Variants in KRT10 observed in about 807,000 individuals in gnomAD.
KRT10 encodes the protein keratin 10, also known as keratin, type I cytoskeletal 10.
In KRT10, 40 loss-of-function variants were observed where a neutral mutation model predicts 59.2. The ratio of observed to expected loss-of-function variants is 0.68; its 90% CI spans 0.52 to 0.88. The LOEUF is 0.88. Among genes scored for constraint, KRT10 ranks in the 40% least tolerant of loss-of-function variants. KRT10 has a pLI of 0.00. For missense variants in KRT10, 719 were observed against 749.1 expected (o/e 0.96, Z 0.47); for synonymous variants, 336 against 310.7 (o/e 1.08, Z -0.86).
chr17:40,818,880 C>T lies in KRT10; in HGVS notation c.1655G>A (p.Ser552Asn). The T allele has an allele frequency of 6.6e-7, 1 of 1,524,800 alleles. No individual in the cohort carries two copies. The highest frequency in any genetic ancestry group is 8.8e-7 in the Non-Finnish European group (1 of 1,139,778). The allele number at this position is 1,524,800 out of a possible 1,614,324, so 94.5% of individuals were successfully genotyped here. A position where few individuals can be genotyped will look rare whatever the true frequency, so the allele number is the denominator to read the frequency against. ...GCCGCCGCCGTATCCGCCGCCGGAG[C>T]TGCTGCCGCCGCCGGAGCTGCCGCC... ...YGGGSSGGGS[S>N]SGGGYGGGSS... The change falls in exon 7 of 8, where the codon AGC becomes AAC. Residue 552 changes from serine (S) to asparagine (N), a missense_variant. Coordinates refer to ENST00000269576, the MANE Select transcript of KRT10 (RefSeq NM_000421.5).
intron 3 of KRT10, 23 bp downstream of exon 3, chr17:40,820,488 G>A: frequency 6.2e-7 from 1 of 1,614,182 alleles, no homozygotes; most frequent in Non-Finnish European, 8.5e-7. Flanking sequence ...TTTTGGCTGG[G>A]AAAAGTATAA....
intron 5 of KRT10, 28 bp from the exon 6 acceptor site, chr17:40,819,762 G>A (rs769997393): frequency 6.4e-7 from 1 of 1,574,634 alleles, no homozygotes; most frequent in South Asian, 1.1e-5. Context: ...GTGGCTTAGT[G>A]ACTTCCTTGT....
chr17:40,822,290 C>A lies in KRT10; in HGVS notation c.296G>T (p.Gly99Val). The A allele has an allele frequency of 1.3e-6, 2 of 1,598,974 alleles. No individual in the cohort carries two copies. The highest frequency in any genetic ancestry group is 1.7e-6 in the Non-Finnish European group (2 of 1,170,722). Residue 99 changes from glycine (G) to valine (V), a missense_variant, in exon 1 of 8, where the codon GGA becomes GTA. Around this residue, in one of 4 missense-constraint regions of KRT10, gnomAD observed 176 missense variants for 175.7 expected, o/e 1.00. Transcript: ENST00000269576. The part of the protein sequence containing the change: ...YGSSSFGGSY[G>V]GIFGGGSFGG... ...GAAACTGCCCCCTCCAAAGATGCCT[C>A]CATAACTCCCACCAAAGCTGCTACT... is the stretch of plus-strand genomic sequence containing the variant.
intron 6 of KRT10, 57 bp downstream of exon 6, chr17:40,819,460 T>A: frequency 6.7e-7 from 1 of 1,497,258 alleles, no homozygotes; most frequent in Non-Finnish European, 9.3e-7. Context: ...AGATAAGCCT[T>A]GCTATCTGGA....
At chr17:40,819,329 C>T in intron 6 of KRT10, 168 bp from the exon 7 acceptor site, 2 of 1,438,040 alleles carry the variant, frequency 1.4e-6, no homozygotes, top group Non-Finnish European at 1.9e-6. Context: ...GTTCACAGAA[C>T]TCTTAAGAAT....
Position 40,820,079 on chromosome 17 carries a change from C to T in KRT10, c.1125G>A (p.Leu375=), listed in dbSNP as rs1396575084. Residue 375 remains leucine, a synonymous_variant, in exon 5 of 8, where the codon CTG becomes CTA. Coordinates refer to ENST00000269576, the MANE Select transcript of KRT10 (RefSeq NM_000421.5). The part of the protein sequence containing the change: ...ITELRRNVQA[L]EIELQSQLAL... Reference sequence around the variant, plus strand: ...CCAGTTGGGACTGTAGTTCTATCTCCAGAGCTTGTACATTACGTCTCAATT... The same window carrying T: ...CCAGTTGGGACTGTAGTTCTATCTCTAGAGCTTGTACATTACGTCTCAATT... 2 of 1,613,160 alleles carry T rather than the reference C, an allele frequency of 1.2e-6. No individual in the cohort carries two copies. The highest frequency in any genetic ancestry group is 1.7e-5 in the Admixed American group (1 of 59,998).
chr17:40,818,562 G>A lies in KRT10; in HGVS notation c.1749-80C>T, dbSNP rs543603727. 12 of 1,279,394 alleles carry A rather than the reference G, an allele frequency of 9.4e-6. No individual in the cohort carries two copies. The East Asian group carries it at 2.3e-4, about 25-fold the overall frequency. The allele number at this position is 1,279,394 out of a possible 1,614,324, so 79.3% of individuals were successfully genotyped here. A position where few individuals can be genotyped will look rare whatever the true frequency, so the allele number is the denominator to read the frequency against. The stretch of plus-strand genomic sequence containing the variant: ...TAACAAGCAAATATTGTAAAAAGAA[G>A]GAAATTTCAACTTTACATTGTTAAG... On this transcript the variant is annotated intron_variant, in intron 7 of 7. Coordinates refer to ENST00000269576, the MANE Select transcript of KRT10 (RefSeq NM_000421.5).
In KRT10 at chr17:40,822,005, C is replaced by T. The variant is rs373319671; in HGVS notation, c.581G>A (p.Arg194His). Residue 194 changes from arginine to histidine, a missense_variant, in exon 1 of 8, where the codon CGT (arginine) becomes CAT (histidine). By Grantham distance (29) the Arg-to-His change is conservative. This residue lies in a region of KRT10 where 221 missense variants were observed against 277.8 expected (regional missense o/e 0.80). Transcript: ENST00000269576. The stretch of plus-strand genomic sequence containing the variant: ...GGTTTTGTAGTATTTGCTGTAGTCA[C>T]GAGGCTCCCCCTGATGTGAGTTGCC... Reference protein sequence around the residue: ...KHGNSHQGEPRDYSKYYKTID... With the variant: ...KHGNSHQGEPHDYSKYYKTID... 181 of 1,614,040 alleles carry T rather than the reference C, an allele frequency of 1.1e-4. No homozygotes were observed. The highest frequency in any genetic ancestry group is 1.5e-4 in the Non-Finnish European group (174 of 1,180,020).
At position 40,820,513 on chromosome 17, in the gene KRT10, C is replaced by T; in HGVS notation, c.865G>A (p.Glu289Lys). Residue 289 changes from glutamate (E) to lysine (K), a missense_variant and splice_region_variant, in exon 3 of 8, where the codon GAG becomes AAG. By Grantham distance (56) the Glu-to-Lys change is moderately conservative. Transcript: ENST00000269576. The stretch of plus-strand genomic sequence containing the variant: ...GAAAAGTATAACTTTTGTGTCACCT[C>T]CTCGTGGTTCTTCTTCAGATAGGCC... The part of the protein sequence containing the change: ...ELAYLKKNHE[E>K]EMKDLRNVST... 1 of 1,614,196 alleles carries T rather than the reference C, an allele frequency of 6.2e-7. No homozygotes were observed. Among genetic ancestry groups the T allele is most frequent in the Non-Finnish European group, 8.5e-7 (1 of 1,180,036 alleles).
At position 40,820,256 on chromosome 17, in the gene KRT10, C is replaced by G; in HGVS notation, c.1029+6G>C. On this transcript the variant is annotated splice_donor_region_variant and intron_variant, in intron 4 of 7. Coordinates refer to ENST00000269576, the MANE Select transcript of KRT10 (RefSeq NM_000421.5). ...ATGAGTTTCACTATAAGGAAGATTA[C>G]TTTACCTTTTCATTGAACCAGGCTT... The G allele has an allele frequency of 1.2e-6, 2 of 1,614,094 alleles. No homozygotes were observed. The highest frequency in any genetic ancestry group is 1.7e-6 in the Non-Finnish European group (2 of 1,180,004).
intron 6 of KRT10, 59 bp downstream of exon 6, chr17:40,819,458 C>A (rs975593240): frequency 1.1e-5 from 16 of 1,493,530 alleles, no homozygotes; most frequent in Non-Finnish European, 1.4e-5. Context: ...TTAGATAAGC[C>A]TTGCTATCTG....
chr17:40,819,435 ATCT>A, intron 6 of KRT10, 79 bp downstream of exon 6: 4 of 1,393,690 alleles, frequency 2.9e-6, no homozygotes, highest in Admixed American at 1.7e-5. Flanking sequence ...ATTCTCTGGC[ATCT>A]TCTTGGGGTT....
In KRT10 at chr17:40,821,608, T is replaced by C. The variant is rs148693758; in HGVS notation, c.627+351A>G. Among the ~76,000 whole-genome samples, 95 of 152,358 alleles carry C rather than the reference T, an allele frequency of 6.2e-4. No individual in the cohort carries two copies. In the Middle Eastern group the frequency reaches 0.01, roughly 16 times the overall value. On this transcript the variant is annotated intron_variant, in intron 1 of 7. Transcript: ENST00000269576. ...TGTTGGTACTGAATATGGCTTGTTATCAGTCTGAATAACATTTTGTTCTGA... is the reference window on the plus strand; with the variant it reads ...TGTTGGTACTGAATATGGCTTGTTACCAGTCTGAATAACATTTTGTTCTGA...
In KRT10 at chr17:40,818,837, G is replaced by C. The variant is rs758631225; in HGVS notation, c.1698C>G (p.His566Gln). 8.3e-7 allele frequency: 1 copy of C among 1,204,146 alleles called. No individual in the cohort carries two copies. Among genetic ancestry groups the C allele is most frequent in the Non-Finnish European group, 1.1e-6 (1 of 895,250 alleles). 74.6% of individuals were successfully genotyped at this position (1,204,146 alleles called of 1,614,324 possible). The change falls in exon 7 of 8, where the codon CAC becomes CAG. Residue 566 changes from histidine (H) to glutamine (Q), a missense_variant. Transcript: ENST00000269576. ...CCACGGACCCGGAAGAGGAGGACTT[G>C]TGGCCTCCGCTGGAGCTGCCGCCGC... is the stretch of plus-strand genomic sequence containing the variant. ...GYGGGSSSGG[H>Q]KSSSSGSVGE...
At chr17:40,820,814 T>C (rs978329108) in intron 2 of KRT10, 147 bp from the exon 3 acceptor site, 11 of 1,040,194 alleles carry the variant, frequency 1.1e-5, no homozygotes, top group Non-Finnish European at 1.6e-5. Flanking sequence ...AATAGTGGTT[T>C]AATGGAAAAA....
At position 40,818,914 on chromosome 17, in the gene KRT10, C is replaced by CGCCGCCGGAGCT. The variant is rs1905188023; in HGVS notation, c.1620_1621insAGCTCCGGCGGC (p.Gly540_Gly541insSerSerGlyGly). On this transcript the variant is annotated inframe_insertion, in exon 7 of 8. Transcript: ENST00000269576. ...CCGCCGGAGCTGCCGCCCCCGTAGC[C>CGCCGCCGGAGCT]GCCGCCGCCGCCGCCGGAACTGCCA... 9.5e-7 allele frequency: 1 copy of CGCCGCCGGAGCT among 1,048,004 alleles called. No homozygotes were observed. The highest frequency in any genetic ancestry group is 3.1e-5 in the African/African-American group (1 of 32,528). The allele number at this position is 1,048,004 out of a possible 1,614,324, so 64.9% of individuals were successfully genotyped here. A position where few individuals can be genotyped will look rare whatever the true frequency, so the allele number is the denominator to read the frequency against.
chr17:40,820,329 ATG>A lies in KRT10; in HGVS notation c.960_961del (p.Met321GlufsTer5). The A allele has an allele frequency of 2.5e-6, 4 of 1,614,122 alleles. No homozygotes were observed. The highest frequency in any genetic ancestry group is 3.4e-6 in the Non-Finnish European group (4 of 1,180,000). On this transcript the variant is annotated frameshift_variant, in exon 4 of 8. Coordinates refer to ENST00000269576, the MANE Select transcript of KRT10 (RefSeq NM_000421.5). LOFTEE classifies it high-confidence loss of function. ...AGCAAGTTGTTCATATTGGCTTCTC[ATG>A]TTATTCAGAAGTTGAGTCAGATCAA...
rs1286402647 is a variant in KRT10, at chr17:40,822,217, A to T, written c.369T>A (p.Gly123=). 12 of 1,611,026 alleles carry T rather than the reference A, an allele frequency of 7.4e-6. No homozygotes were observed. In the East Asian group the frequency reaches 2.7e-4, roughly 36 times the overall value. The change falls in exon 1 of 8, where the codon GGT becomes GGA. Residue 123 remains glycine, a synonymous_variant. Transcript: ENST00000269576. ...CAAAGCCTCCTCCAAAGCCGCCTCCACCAAAGCCGCCTCCACCAAAGCTGC... is the reference window on the plus strand; with the variant it reads ...CAAAGCCTCCTCCAAAGCCGCCTCCTCCAAAGCCGCCTCCACCAAAGCTGC... ...GGGSFGGGGF[G]GGGFGGGFGG...
chr17:40,820,662 T>C lies in KRT10; in HGVS notation c.716A>G (p.Glu239Gly), dbSNP rs751780283. The C allele has an allele frequency of 1.9e-6, 3 of 1,614,158 alleles. No homozygotes were observed. Among genetic ancestry groups the C allele is most frequent in the Non-Finnish European group, 2.5e-6 (3 of 1,180,010 alleles). The part of the protein sequence containing the change: ...LAADDFRLKY[E>G]NEVALRQSVE... The stretch of plus-strand genomic sequence containing the variant: ...GCTCTGGCGCAGAGCTACCTCATTC[T>C]CATACCTGAAACAAGCATGATATCA... The change falls in exon 3 of 8, where the codon GAG becomes GGG. Residue 239 changes from glutamate (E) to glycine (G), a missense_variant. Transcript: ENST00000269576.
Sources: allele counts gnomAD v4.1 joint callset (sites outside exome capture counted in the v4.1 genomes callset), GRCh38; gene constraint gnomAD v4.1.1; regional missense constraint gnomAD v4.1.1; transcripts MANE v1.5; gene names NCBI Gene and HGNC (gene_info 2026-07-23, HGNC 2026-07-21).